The following PLEKHB1 variants were observed in gnomAD, a reference collection of about 807,000 sequenced individuals.
The protein encoded by PLEKHB1 is pleckstrin homology domain containing B1.
A neutral mutation model predicts 36.2 loss-of-function variants in PLEKHB1; 29 were observed. That is an observed-to-expected ratio of 0.80 (90% confidence interval 0.60 to 1.09). PLEKHB1 has a LOEUF of 1.09. Among genes scored for constraint, PLEKHB1 ranks in the 50% least tolerant of loss-of-function variants. The pLI is 0.00. For synonymous variants in PLEKHB1, 138 were observed against 140.0 expected (o/e 0.99, Z 0.10); for missense variants, 330 against 348.2 (o/e 0.95, Z 0.42).
Position 73,655,922 on chromosome 11 carries a change from G to C in PLEKHB1, c.495+15G>C, listed in dbSNP as rs368551191. On this transcript the variant is annotated intron_variant, in intron 6 of 7. Coordinates refer to ENST00000354190, the MANE Select transcript of PLEKHB1 (RefSeq NM_021200.3). ...GGCGGATCTGGGTAAGTGCTGGCTC[G>C]GCCCTCCCTGCCTCCATACTGGCCA... The C allele has an allele frequency of 1.2e-6, 2 of 1,609,610 alleles. No homozygotes were observed. The highest frequency in any genetic ancestry group is 1.3e-5 in the African/African-American group (1 of 74,760).
At position 73,651,768 on chromosome 11, in the gene PLEKHB1, A is replaced by G. The variant is rs368625343; in HGVS notation, c.248-20A>G. The stretch of plus-strand genomic sequence containing the variant: ...GGGGCTTGTGCCTGTGGAAACCCAT[A>G]TATGTGTGTCTGCTTCCAGATGTGC... On this transcript the variant is annotated intron_variant, in intron 3 of 7. Coordinates refer to ENST00000354190, the MANE Select transcript of PLEKHB1 (RefSeq NM_021200.3). 1 of 1,603,930 alleles carries G rather than the reference A, an allele frequency of 6.2e-7. No homozygotes were observed. The highest frequency in any genetic ancestry group is 8.5e-7 in the Non-Finnish European group (1 of 1,172,538).
In PLEKHB1 at chr11:73,661,420, A is replaced by T. The variant is rs369408728; in HGVS notation, c.596-46A>T. 121 of 1,604,560 alleles carry T rather than the reference A, an allele frequency of 7.5e-5. No homozygotes were observed. Among genetic ancestry groups the T allele is most frequent in the Admixed American group, 5.0e-4 (30 of 59,742 alleles). On this transcript the variant is annotated intron_variant, in intron 7 of 7. Coordinates refer to ENST00000354190, the MANE Select transcript of PLEKHB1 (RefSeq NM_021200.3). The surrounding 1 kb of genome is among the most constrained non-coding windows in gnomAD (Gnocchi z 4.6). ...GCAGGAAGGGTACGAAGATCACTCT[A>T]CTCCCTCCTAAGTCGCTGATCCTCA... is the stretch of plus-strand genomic sequence containing the variant.
intron 5 of PLEKHB1, 40 bp from the exon 6 acceptor site, chr11:73,655,763 T>C: frequency 6.4e-7 from 1 of 1,564,176 alleles, no homozygotes. Context: ...TGACACCCCC[T>C]CCCTCCCTCC....
rs904184525 is a variant in PLEKHB1 at position 73,646,692 on chromosome 11, G to C, written c.18+66G>C. 8 of 1,519,042 alleles carry C rather than the reference G, an allele frequency of 5.3e-6. No individual in the cohort carries two copies. The East Asian group carries it at 1.7e-4, about 33-fold the overall frequency. The allele number at this position is 1,519,042 out of a possible 1,614,324, so 94.1% of individuals were successfully genotyped here. A position where few individuals can be genotyped will look rare whatever the true frequency, so the allele number is the denominator to read the frequency against. On this transcript the variant is annotated intron_variant, in intron 1 of 7. Transcript: ENST00000354190. ...CAGGGTGGGCACCCTTGCCACATAG[G>C]GGACGGGACAGAAGTCTTTTAGGCC...
rs1459879996 is a variant in PLEKHB1, at chr11:73,660,846, T to C, written c.589T>C (p.Tyr197His). ...TGTCCGCAGCTACTACGGACCGCCC[T>C]ACGCAGGTAAGTCTCCAGCGTGCCC... Reference protein sequence around the residue: ...TYVRSYYGPPYAGPGVTHVIV... With the variant: ...TYVRSYYGPPHAGPGVTHVIV... Residue 197 changes from tyrosine to histidine, a missense_variant, in exon 7 of 8, where the codon TAC becomes CAC. Physicochemically the swap from Tyr to His is moderately conservative, Grantham distance 83. Coordinates refer to ENST00000354190, the MANE Select transcript of PLEKHB1 (RefSeq NM_021200.3). 8 of 1,588,516 alleles carry C rather than the reference T, an allele frequency of 5.0e-6. No individual in the cohort carries two copies. Among genetic ancestry groups the C allele is most frequent in the Non-Finnish European group, 6.8e-6 (8 of 1,169,022 alleles).
rs764492360 is a variant in PLEKHB1, at chr11:73,652,720, C to T, written c.351-255C>T. 1.7e-5 allele frequency: 7 copies of T among 403,424 alleles called. 1 individual carries two copies. The highest frequency in any genetic ancestry group is 6.1e-5 in the African/African-American group (3 of 48,818). 25.0% of individuals were successfully genotyped at this position (403,424 alleles called of 1,614,324 possible). A position where few individuals can be genotyped will look rare whatever the true frequency, so the allele number is the denominator to read the frequency against. On this transcript the variant is annotated intron_variant, in intron 4 of 7. Coordinates refer to ENST00000354190, the MANE Select transcript of PLEKHB1 (RefSeq NM_021200.3). Reference sequence around the variant, plus strand: ...CCCTGAGAGACCACCCAAGCCCAACCGTCCACTGTATAGATGAGGAAACTG... The same window carrying T: ...CCCTGAGAGACCACCCAAGCCCAACTGTCCACTGTATAGATGAGGAAACTG...
rs1049428883 is a variant in PLEKHB1 at position 73,649,157 on chromosome 11, A to T, written c.94+70A>T. On this transcript the variant is annotated intron_variant, in intron 2 of 7. Transcript: ENST00000354190. ...TGGCTTACTGGGCTTGCCACGGGGA[A>T]CACTTCTCTCAAGAAACCAGGACCT... 3.9e-6 allele frequency: 6 copies of T among 1,526,354 alleles called. No individual in the cohort carries two copies. The African/African-American group carries it at 8.3e-5, about 21-fold the overall frequency. The allele number at this position is 1,526,354 out of a possible 1,614,324, so 94.6% of individuals were successfully genotyped here.
At chr11:73,659,080 G>A (rs1395887443) in intron 6 of PLEKHB1, among the ~76,000 whole-genome samples, 1 of 152,146 alleles carries the variant, frequency 6.6e-6, no homozygotes, top group Non-Finnish European at 1.5e-5. Flanking sequence ...AGAAAAATTA[G>A]CCAGGCGTGG....
rs1945140079 is a variant in PLEKHB1, at chr11:73,662,184, A to G, written c.*582A>G. The G allele has an allele frequency of 6.6e-6, 1 of 152,608 alleles. No homozygotes were observed. The highest frequency in any genetic ancestry group is 1.5e-5 in the Non-Finnish European group (1 of 68,270). 9.5% of individuals were successfully genotyped at this position (152,608 alleles called of 1,614,324 possible). The stretch of plus-strand genomic sequence containing the variant: ...GGGCTGGGGTGGAGGCTGGGATCAG[A>G]CCGTGGTGGGCCTTCAAGCTAAGGA... On this transcript the variant is annotated 3_prime_UTR_variant, in exon 8 of 8. Coordinates refer to ENST00000354190, the MANE Select transcript of PLEKHB1 (RefSeq NM_021200.3).
At position 73,657,171 on chromosome 11, in the gene PLEKHB1, T is replaced by C. The variant is rs138690523; in HGVS notation, c.495+1264T>C. Among the ~76,000 whole-genome samples, 66 of 152,168 alleles carry C rather than the reference T, an allele frequency of 4.3e-4. 2 individuals are homozygous for C. In the East Asian group the frequency reaches 0.012, roughly 28 times the overall value. On this transcript the variant is annotated intron_variant, in intron 6 of 7. Transcript: ENST00000354190. The stretch of plus-strand genomic sequence containing the variant: ...AAAAAAAATTGTCTCCTGATGACTC[T>C]GATGTGCAGAATCACTAAGCCTAGA...
chr11:73,650,826 T>C, intron 3 of PLEKHB1, 121 bp downstream of exon 3: 1 of 1,210,198 alleles, frequency 8.3e-7, no homozygotes, highest in Non-Finnish European at 1.1e-6. Flanking sequence ...CAGACATTGC[T>C]TCTGAGCCTC....
At chr11:73,658,685 C>G (rs1312108383) in intron 6 of PLEKHB1, among the ~76,000 whole-genome samples, 1 of 152,178 alleles carries the variant, frequency 6.6e-6, no homozygotes, top group East Asian at 1.9e-4. Flanking sequence ...GGTGCAAACA[C>G]TGCTCACTGC....
Position 73,661,473 on chromosome 11 carries a change from C to T in PLEKHB1, c.603C>T (p.Gly201=), listed in dbSNP as rs1945119047. Residue 201 remains glycine (G), a synonymous_variant, in exon 8 of 8, where the codon GGC becomes GGT. Transcript: ENST00000354190. The surrounding 1 kb of genome is among the most constrained non-coding windows in gnomAD (Gnocchi z 4.6). The stretch of plus-strand genomic sequence containing the variant: ...GGCTGTCTCCCTCTGCAGGCCCTGG[C>T]GTGACGCACGTGATAGTGCGGGAGG... The part of the protein sequence containing the change: ...SYYGPPYAGP[G]VTHVIVREDP... 1.2e-6 allele frequency: 2 copies of T among 1,613,766 alleles called. No individual in the cohort carries two copies. The highest frequency in any genetic ancestry group is 2.2e-5 in the East Asian group (1 of 44,868).
At chr11:73,651,961 C>T (rs1944907296) in intron 4 of PLEKHB1, 71 bp downstream of exon 4, 2 of 1,367,806 alleles carry the variant, frequency 1.5e-6, no homozygotes, top group African/African-American at 2.9e-5. Context: ...TCTCATTGGG[C>T]CTTCTGGTTC....
chr11:73,648,421 TA>T (rs1944813663), intron 1 of PLEKHB1: 1 of 159,038 alleles, frequency 6.3e-6, no homozygotes, highest in Non-Finnish European at 1.3e-5. Context: ...AAAGCACTGA[TA>T]GGGGGTACCC....
chr11:73,648,504 G>C (rs959567285), intron 1 of PLEKHB1, among the ~76,000 whole-genome samples: 2 of 152,126 alleles, frequency 1.3e-5, no homozygotes, highest in Non-Finnish European at 2.9e-5. Flanking sequence ...AGCTCTAGTG[G>C]GGTCCAAATA....
chr11:73,660,759 G>C lies in PLEKHB1; in HGVS notation c.502G>C (p.Val168Leu), dbSNP rs202033711. Reference protein sequence around the residue: ...CKVERRIWVRVYSPYQDYYEV... With the variant: ...CKVERRIWVRLYSPYQDYYEV... ...ACATGGTTGGATTCCCCAGGTGCGC[G>C]TCTACAGCCCGTACCAAGACTACTA... The change falls in exon 7 of 8, where the codon GTC (valine) becomes CTC (leucine). Residue 168 changes from valine to leucine, a missense_variant. Transcript: ENST00000354190. 5.7e-6 allele frequency: 9 copies of C among 1,592,380 alleles called. No homozygotes were observed. Among genetic ancestry groups the C allele is most frequent in the Non-Finnish European group, 5.1e-6 (6 of 1,170,898 alleles).
chr11:73,649,209 C>T (rs1274661906), intron 2 of PLEKHB1, 122 bp downstream of exon 2: 18 of 1,229,042 alleles, frequency 1.5e-5, no homozygotes, highest in Middle Eastern at 2.0e-4. Context: ...TTTGTCCATG[C>T]TCTTCCCTCT....
chr11:73,648,890 G>T, intron 1 of PLEKHB1, 122 bp from the exon 2 acceptor site: 1 of 1,454,172 alleles, frequency 6.9e-7, no homozygotes, highest in Non-Finnish European at 9.1e-7. Flanking sequence ...AGGCCGCCTG[G>T]CCCTTGTTTA....
Sources: gnomAD v4.1 joint callset for allele counts (sites outside exome capture counted in the v4.1 genomes callset) on GRCh38, gnomAD v4.1.1 for gene constraint, Gnocchi (gnomAD v3.1) non-coding constraint, MANE v1.5 for transcripts, NCBI Gene and HGNC (gene_info 2026-07-23, HGNC 2026-07-21) for gene names.